Variants in AHCYL2 observed in about 807,000 individuals in gnomAD.
AHCYL2 encodes S-adenosylhomocysteine hydrolase-like protein 2.
In AHCYL2, 28 loss-of-function variants were observed where a neutral mutation model predicts 81.4. That is an observed-to-expected ratio of 0.34 (90% CI 0.25 to 0.47). The LOEUF is 0.47. Among genes scored for constraint, AHCYL2 ranks in the 20% least tolerant of loss-of-function variants. The pLI is 1.00. For missense variants in AHCYL2, 551 were observed against 785.1 expected, an observed-to-expected ratio of 0.70 and a Z score of 3.56; for synonymous variants, 272 against 290.2, an observed-to-expected ratio of 0.94 and a Z score of 0.64.
intron 1 of AHCYL2, among the ~76,000 whole-genome samples, chr7:129,326,418 T>C (rs2150796620): frequency 6.6e-6 from 1 of 151,968 alleles, no homozygotes; most frequent in East Asian, 1.9e-4. Flanking sequence ...TCCCAGCTAC[T>C]TGGGAGGCAG....
At chr7:129,320,524 C>A (rs1469315528) in intron 1 of AHCYL2, among the ~76,000 whole-genome samples, 3 of 152,122 alleles carry the variant, frequency 2.0e-5, no homozygotes, top group Non-Finnish European at 4.4e-5. Context: ...ACCATGTTAG[C>A]CAGGTTGGTC....
At chr7:129,390,467 C>G (rs550761369) in intron 4 of AHCYL2, among the ~76,000 whole-genome samples, 1 of 152,128 alleles carries the variant, frequency 6.6e-6, no homozygotes, top group South Asian at 2.1e-4. Flanking sequence ...AACAGTAACT[C>G]AAAATAAAAG....
chr7:129,303,162 G>A (rs1048118915), intron 1 of AHCYL2, among the ~76,000 whole-genome samples: 29 of 152,168 alleles, frequency 1.9e-4, no homozygotes, highest in African/African-American at 7.0e-4. Context: ...CACCACACCC[G>A]GTTAATTTTG....
chr7:129,426,293 T>C lies in AHCYL2; in HGVS notation c.1709-150T>C. The C allele has an allele frequency of 1.7e-6, 2 of 1,154,858 alleles. No individual in the cohort carries two copies. Among genetic ancestry groups the C allele is most frequent in the Non-Finnish European group, 1.3e-6 (1 of 784,044 alleles). 71.5% of individuals were successfully genotyped at this position (1,154,858 alleles called of 1,614,324 possible). A position where few individuals can be genotyped will look rare whatever the true frequency, so the allele number is the denominator to read the frequency against. Reference sequence around the variant, plus strand: ...AGCTGAAGGCAGCTATTCCTTAGAATTGAGGACCAGTGAGCGAAGGTTGAA... The same window carrying C: ...AGCTGAAGGCAGCTATTCCTTAGAACTGAGGACCAGTGAGCGAAGGTTGAA... On this transcript the variant is annotated intron_variant, in intron 15 of 16. Transcript: ENST00000325006. This position sits in a 1 kb window ranked among gnomAD's most constrained non-coding sequence, Gnocchi z 4.3.
At chr7:129,308,783 C>T (rs1654233145) in intron 1 of AHCYL2, among the ~76,000 whole-genome samples, 1 of 152,134 alleles carries the variant, frequency 6.6e-6, no homozygotes, top group African/African-American at 2.4e-5. Flanking sequence ...TAGTGAGGAG[C>T]ATGTGGGGTT....
intron 1 of AHCYL2, among the ~76,000 whole-genome samples, chr7:129,360,018 C>T (rs1793876190): frequency 6.6e-6 from 1 of 151,350 alleles, no homozygotes; most frequent in African/African-American, 2.4e-5. Context: ...TTACTCATAC[C>T]CTGTTCTCTT....
chr7:129,254,396 A>G (rs1795340713), intron 1 of AHCYL2, among the ~76,000 whole-genome samples: 1 of 152,212 alleles, frequency 6.6e-6, no homozygotes, highest in African/African-American at 2.4e-5. Flanking sequence ...AATATCCATT[A>G]TCTTACTTGA....
chr7:129,362,510 T>C (rs1376384476), intron 1 of AHCYL2, among the ~76,000 whole-genome samples: 3 of 152,048 alleles, frequency 2.0e-5, no homozygotes, highest in East Asian at 1.9e-4. Context: ...CTTGACCACA[T>C]TGAGCTTTGA....
chr7:129,322,578 C>A (rs1798078214), intron 1 of AHCYL2, among the ~76,000 whole-genome samples: 1 of 152,046 alleles, frequency 6.6e-6, no homozygotes, highest in East Asian at 1.9e-4. Context: ...AAAAGCTGTT[C>A]ATAATTTTTC....
chr7:129,256,559 C>CCCCCA (rs1384537141), intron 1 of AHCYL2, among the ~76,000 whole-genome samples: 1 of 138,312 alleles, frequency 7.2e-6, no homozygotes, highest in African/African-American at 2.7e-5. Context: ...ACCCCCCCCC[C>CCCCCA]GCCTTAATCT....
intron 1 of AHCYL2, among the ~76,000 whole-genome samples, chr7:129,344,078 A>T (rs1038071114): frequency 1.3e-5 from 2 of 152,218 alleles, no homozygotes; most frequent in Non-Finnish European, 2.9e-5. Flanking sequence ...CCACAGTGAG[A>T]TACTGCACAC....
chr7:129,254,996 C>T (rs1222876519), intron 1 of AHCYL2, among the ~76,000 whole-genome samples: 2 of 151,922 alleles, frequency 1.3e-5, no homozygotes, highest in East Asian at 1.9e-4. Context: ...TAAAAAGGGC[C>T]GGGCGTGGTG....
At chr7:129,254,594 T>A (rs1431645074) in intron 1 of AHCYL2, among the ~76,000 whole-genome samples, 1 of 152,232 alleles carries the variant, frequency 6.6e-6, no homozygotes, top group African/African-American at 2.4e-5. Flanking sequence ...ATAGCAATTT[T>A]GTTGAACTAG....
rs1794839418 is a variant in AHCYL2, at chr7:129,241,171, TC to T, written c.363+15733del. 4.6e-5 allele frequency among the ~76,000 whole-genome samples: 7 copies of T among 152,324 alleles called. 1 individual carries two copies. Among genetic ancestry groups the T allele is most frequent in the South Asian group, 4.1e-4 (2 of 4,830 alleles). On this transcript the variant is annotated intron_variant, in intron 1 of 16. Coordinates refer to ENST00000325006, the MANE Select transcript of AHCYL2 (RefSeq NM_015328.4). ...TTGTGTGTGTAAATACTTGAAAGTT[TC>T]TATCACACCAAGGGAGCCAGACACC...
intron 1 of AHCYL2, among the ~76,000 whole-genome samples, chr7:129,289,638 G>T (rs181063913): frequency 6.6e-6 from 1 of 152,014 alleles, no homozygotes; most frequent in Non-Finnish European, 1.5e-5. Flanking sequence ...ATACTGTATT[G>T]GTTCACTAGC....
rs78909656 is a variant in AHCYL2 at position 129,360,884 on chromosome 7, C to G, written c.364-18754C>G. Among the ~76,000 whole-genome samples the G allele has an allele frequency of 3.1e-3, 476 of 152,156 alleles. 2 individuals are homozygous for G. The highest frequency in any genetic ancestry group is 0.011 in the African/African-American group (458 of 41,498). ...TTATTTTGAGGATAGTGAGGAGTAA[C>G]TGGGGTGTTATAAACAAGGAAGTGA... On this transcript the variant is annotated intron_variant, in intron 1 of 16. Coordinates refer to ENST00000325006, the MANE Select transcript of AHCYL2 (RefSeq NM_015328.4).
chr7:129,409,433 C>T, intron 10 of AHCYL2, 43 bp from the exon 11 acceptor site: 1 of 1,541,826 alleles, frequency 6.5e-7, no homozygotes, highest in Non-Finnish European at 8.9e-7. Flanking sequence ...AAAGGCTCCC[C>T]AGCTGCCTGT....
chr7:129,273,294 A>C (rs1796081429), intron 1 of AHCYL2, among the ~76,000 whole-genome samples: 1 of 143,466 alleles, frequency 7.0e-6, no homozygotes, highest in South Asian at 2.3e-4. Context: ...GATCTCAGTG[A>C]TGCAACTGTA....
At chr7:129,252,412 G>T (rs781026829) in intron 1 of AHCYL2, among the ~76,000 whole-genome samples, 3 of 152,152 alleles carry the variant, frequency 2.0e-5, no homozygotes, top group Admixed American at 6.5e-5. Flanking sequence ...ATACTCCTTT[G>T]GCTTAAAACC....
Sources: gnomAD v4.1 joint callset for allele counts (sites outside exome capture counted in the v4.1 genomes callset) on GRCh38, gnomAD v4.1.1 for gene constraint, Gnocchi (gnomAD v3.1) non-coding constraint, MANE v1.5 for transcripts, NCBI Gene and HGNC (gene_info 2026-07-23, HGNC 2026-07-21) for gene names.